The following PHACTR2 variants were observed in gnomAD, a reference collection of about 807,000 sequenced individuals.
PHACTR2 encodes chromosome 6 open reading frame 56.
In PHACTR2, 30 loss-of-function variants were observed where a neutral mutation model predicts 76.0. The observed-to-expected ratio is 0.39, with a 90% CI of 0.30 to 0.54. The LOEUF is 0.54. Among genes scored for constraint, PHACTR2 ranks in the 20% least tolerant of loss-of-function variants. The pLI, the probability that PHACTR2 is intolerant of heterozygous loss-of-function variation, is 0.61. For synonymous variants in PHACTR2, 292 were observed against 292.5 expected (o/e 1.00, Z 0.02); for missense variants, 696 against 781.1 (o/e 0.89, Z 1.30).
In PHACTR2 at chr6:143,625,341, A is replaced by G. The variant is rs1000462755; in HGVS notation, c.13+17019A>G. On this transcript the variant is annotated intron_variant, in intron 1 of 11. Coordinates refer to the PHACTR2 transcript ENST00000305766. The surrounding 1 kb of genome is among the most constrained non-coding windows in gnomAD (Gnocchi z 4.3). ...TACTTGGTGATTCAGAATTTAAACTATATCACTACCTGTACAGTTTATTCA... is the reference window on the plus strand; with the variant it reads ...TACTTGGTGATTCAGAATTTAAACTGTATCACTACCTGTACAGTTTATTCA... Among the ~76,000 whole-genome samples the G allele has an allele frequency of 1.1e-4, 16 of 152,304 alleles. No homozygotes were observed. The highest frequency in any genetic ancestry group is 2.9e-4 in the African/African-American group (12 of 41,558).
Position 143,820,262 on chromosome 6 carries a change from A to G in PHACTR2, c.1923-3412A>G, listed in dbSNP as rs1776386137. On this transcript the variant is annotated intron_variant, in intron 12 of 12. Coordinates refer to ENST00000440869, the MANE Select transcript of PHACTR2 (RefSeq NM_001100164.2). This position sits in a 1 kb window ranked among gnomAD's most constrained non-coding sequence, Gnocchi z 4.2. ...AATCTCATGTCCTTCTCACATTTCA[A>G]AATGCTTTCCCAAAAGTCCCCCAAA... is the stretch of plus-strand genomic sequence containing the variant. Among the ~76,000 whole-genome samples, 1 of 152,186 alleles carries G rather than the reference A, an allele frequency of 6.6e-6. No individual in the cohort carries two copies. The highest frequency in any genetic ancestry group is 1.5e-5 in the Non-Finnish European group (1 of 68,034).
Position 143,684,658 on chromosome 6 carries a change from A to C in PHACTR2, c.46+6449A>C, listed in dbSNP as rs9496729. ...TTTCTGTACTCTGTCACCACCACTG[A>C]ATATCAGGGTCACTCTTAGCCCATA... On this transcript the variant is annotated intron_variant, in intron 1 of 12. Transcript: ENST00000440869. The surrounding 1 kb of genome is among the most constrained non-coding windows in gnomAD (Gnocchi z 4.3). 0.49 allele frequency among the ~76,000 whole-genome samples: 75,044 copies of C among 152,076 alleles called. 18,548 individuals carry two copies. Among genetic ancestry groups the C allele is most frequent in the South Asian group, 0.59 (2,845 of 4,818 alleles).
chr6:143,766,777 T>C (rs1779571928), intron 6 of PHACTR2, among the ~76,000 whole-genome samples: 1 of 152,186 alleles, frequency 6.6e-6, no homozygotes, highest in South Asian at 2.1e-4. Context: ...ATTTCATCAC[T>C]CACAAAGTCC....
At chr6:143,687,172 C>T (rs1777545343) in intron 1 of PHACTR2, among the ~76,000 whole-genome samples, 1 of 152,180 alleles carries the variant, frequency 6.6e-6, no homozygotes, top group Admixed American at 6.5e-5. Context: ...CAGATTTGGT[C>T]AGTGACTAAT....
chr6:143,826,311 G>A lies in PHACTR2; in HGVS notation c.*2622G>A, dbSNP rs1218386669. 2.0e-5 allele frequency: 3 copies of A among 152,290 alleles called. No individual in the cohort carries two copies. The highest frequency in any genetic ancestry group is 7.2e-5 in the African/African-American group (3 of 41,472). The allele number at this position is 152,290 out of a possible 1,614,324, so 9.4% of individuals were successfully genotyped here. On this transcript the variant is annotated 3_prime_UTR_variant, in exon 13 of 13. Coordinates refer to ENST00000440869, the MANE Select transcript of PHACTR2 (RefSeq NM_001100164.2). ...AGGTCTGGCCCACCCTCCGTGCATA[G>A]GCACCTCTGTCCACCACCAGCGTTT...
rs1776196519 is a variant in PHACTR2 at position 143,623,439 on chromosome 6, G to C, written c.13+15117G>C. 6.6e-6 allele frequency among the ~76,000 whole-genome samples: 1 copy of C among 152,140 alleles called. No individual in the cohort carries two copies. The highest frequency in any genetic ancestry group is 2.4e-5 in the African/African-American group (1 of 41,420). On this transcript the variant is annotated intron_variant, in intron 1 of 11. Coordinates refer to the PHACTR2 transcript ENST00000305766. This position sits in a 1 kb window ranked among gnomAD's most constrained non-coding sequence, Gnocchi z 5.9. ...AATATACAAAAATTAGCCGGGCATGGTGGTGCATGCCTGTAGTCCCAGCTA... is the reference window on the plus strand; with the variant it reads ...AATATACAAAAATTAGCCGGGCATGCTGGTGCATGCCTGTAGTCCCAGCTA...
At chr6:143,630,340 A>G (rs888144380) in intron 1 of PHACTR2, among the ~76,000 whole-genome samples, 1 of 151,746 alleles carries the variant, frequency 6.6e-6, no homozygotes, top group Non-Finnish European at 1.5e-5. Flanking sequence ...TTAAGAAATA[A>G]TGTTAATATA....
intron 1 of PHACTR2, among the ~76,000 whole-genome samples, chr6:143,612,074 G>C (rs1775985415): frequency 6.6e-6 from 1 of 152,194 alleles, no homozygotes; most frequent in South Asian, 2.1e-4. Context: ...TTGCCCACTA[G>C]CCATAGTAGT....
chr6:143,729,755 C>T (rs188836750), intron 2 of PHACTR2, among the ~76,000 whole-genome samples: 1 of 152,188 alleles, frequency 6.6e-6, no homozygotes, highest in Non-Finnish European at 1.5e-5. Flanking sequence ...GGTTCAATGC[C>T]TTTGTCAGAT....
intron 2 of PHACTR2, among the ~76,000 whole-genome samples, chr6:143,714,457 T>C (rs960218019): frequency 3.9e-5 from 6 of 152,256 alleles, no homozygotes; most frequent in Non-Finnish European, 2.9e-5. Flanking sequence ...TTTATTATTG[T>C]AGTGGGAGTT....
Position 143,757,609 on chromosome 6 carries a change from C to A in PHACTR2, c.455-2792C>A, listed in dbSNP as rs1779332921. ...CAGACCGCATTGCTGGAAAGGCTAG[C>A]GTCCTTATCAAGCCAGAATGACGAG... On this transcript the variant is annotated intron_variant, in intron 4 of 12. Transcript: ENST00000440869. The surrounding 1 kb of genome is among the most constrained non-coding windows in gnomAD (Gnocchi z 4.2). 6.6e-6 allele frequency among the ~76,000 whole-genome samples: 1 copy of A among 152,154 alleles called. No homozygotes were observed.
rs1466837821 is a variant in PHACTR2 at position 143,647,516 on chromosome 6, C to T, written c.13+39194C>T. Among the ~76,000 whole-genome samples the T allele has an allele frequency of 6.6e-6, 1 of 152,186 alleles. No homozygotes were observed. The highest frequency in any genetic ancestry group is 1.5e-5 in the Non-Finnish European group (1 of 68,040). On this transcript the variant is annotated intron_variant, in intron 1 of 11. Transcript: ENST00000305766. This position sits in a 1 kb window ranked among gnomAD's most constrained non-coding sequence, Gnocchi z 4.2. ...CAGCCTAGGTCGTTGCCCTCATGGGCTTGCATTCCATTGAGACAGATACAT... is the reference window on the plus strand; with the variant it reads ...CAGCCTAGGTCGTTGCCCTCATGGGTTTGCATTCCATTGAGACAGATACAT...
chr6:143,620,708 C>T (rs1776138960), intron 1 of PHACTR2, among the ~76,000 whole-genome samples: 1 of 152,204 alleles, frequency 6.6e-6, no homozygotes, highest in Admixed American at 6.5e-5. Context: ...GCTTGGCCAT[C>T]GGCCAACCCA....
chr6:143,672,336 C>A lies in PHACTR2; in HGVS notation c.14-39680C>A, dbSNP rs1777167929. ...ATTAGCTGGGCATGGTGGCAGGCAC[C>A]CATAGTCCCAGCTACTCTGGAGGCT... On this transcript the variant is annotated intron_variant, in intron 1 of 11. Coordinates refer to the PHACTR2 transcript ENST00000305766. The surrounding 1 kb of genome is among the most constrained non-coding windows in gnomAD (Gnocchi z 5.8). 6.6e-6 allele frequency among the ~76,000 whole-genome samples: 1 copy of A among 151,814 alleles called. No individual in the cohort carries two copies. Among genetic ancestry groups the A allele is most frequent in the Non-Finnish European group, 1.5e-5 (1 of 67,986 alleles).
intron 1 of PHACTR2, among the ~76,000 whole-genome samples, chr6:143,584,560 G>A (rs1268874849): frequency 6.6e-6 from 1 of 152,184 alleles, no homozygotes; most frequent in Non-Finnish European, 1.5e-5. Context: ...TTGTCATTCA[G>A]CCTAGAAGAC....
rs918540151 is a variant in PHACTR2, at chr6:143,760,180, G to A, written c.455-221G>A. Among the ~76,000 whole-genome samples, 1 of 152,026 alleles carries A rather than the reference G, an allele frequency of 6.6e-6. No homozygotes were observed. Among genetic ancestry groups the A allele is most frequent in the Non-Finnish European group, 1.5e-5 (1 of 67,996 alleles). On this transcript the variant is annotated intron_variant, in intron 4 of 12. Coordinates refer to ENST00000440869, the MANE Select transcript of PHACTR2 (RefSeq NM_001100164.2). The surrounding 1 kb of genome is among the most constrained non-coding windows in gnomAD (Gnocchi z 6.4). ...TTCGTCAAAGTAGTTTGTATAACCC[G>A]GTTTTATTAAAGGGTGATTCGTGTA...
rs1240726167 is a variant in PHACTR2, at chr6:143,803,522, T to G, written c.1846-3535T>G. Among the ~76,000 whole-genome samples the G allele has an allele frequency of 6.6e-6, 1 of 152,118 alleles. No homozygotes were observed. Among genetic ancestry groups the G allele is most frequent in the Non-Finnish European group, 1.5e-5 (1 of 68,002 alleles). On this transcript the variant is annotated intron_variant, in intron 11 of 12. Coordinates refer to ENST00000440869, the MANE Select transcript of PHACTR2 (RefSeq NM_001100164.2). The surrounding 1 kb of genome is among the most constrained non-coding windows in gnomAD (Gnocchi z 4.7). The stretch of plus-strand genomic sequence containing the variant: ...GAGATCACGCCACTGCACTCCAACC[T>G]GAATGACACAGTGAGACCCTGTCTC...
intron 1 of PHACTR2, among the ~76,000 whole-genome samples, chr6:143,666,615 T>C (rs1250181790): frequency 1.3e-5 from 2 of 152,254 alleles, no homozygotes; most frequent in Non-Finnish European, 2.9e-5. Flanking sequence ...GATTTGCATT[T>C]CTTTAATGAC....
chr6:143,646,648 T>C lies in PHACTR2; in HGVS notation c.13+38326T>C, dbSNP rs1327240247. Among the ~76,000 whole-genome samples the C allele has an allele frequency of 6.6e-6, 1 of 152,134 alleles. No individual in the cohort carries two copies. The highest frequency in any genetic ancestry group is 1.5e-5 in the Non-Finnish European group (1 of 68,016). ...AATTAGAATTCCACTTTTCTTGAAATGTCAAGAAGGGCAGGTGTACTCTGA... is the reference window on the plus strand; with the variant it reads ...AATTAGAATTCCACTTTTCTTGAAACGTCAAGAAGGGCAGGTGTACTCTGA... On this transcript the variant is annotated intron_variant, in intron 1 of 11. Transcript: ENST00000305766. The surrounding 1 kb of genome is among the most constrained non-coding windows in gnomAD (Gnocchi z 4.1).
Sources: allele counts gnomAD v4.1 joint callset (sites outside exome capture counted in the v4.1 genomes callset), GRCh38; gene constraint gnomAD v4.1.1; non-coding constraint Gnocchi (gnomAD v3.1); transcripts MANE v1.5; gene names NCBI Gene and HGNC (gene_info 2026-07-23, HGNC 2026-07-21).